Variants in AP4E1 observed in about 807,000 individuals in gnomAD.
The protein encoded by AP4E1 is adaptor related protein complex 4 subunit epsilon 1.
In AP4E1, 56 loss-of-function variants were observed where a neutral mutation model predicts 128.2. That is an observed-to-expected ratio of 0.44 (90% CI 0.35 to 0.55). The LOEUF is 0.55. AP4E1 is among the 20% of genes least tolerant of loss of function. The pLI is 0.00. For missense variants in AP4E1, 1,324 were observed against 1,307.7 expected (o/e 1.01, Z -0.19); for synonymous variants, 484 against 473.1 (o/e 1.02, Z -0.30).
At chr15:50,966,847 A>G (rs1384512223) in intron 14 of AP4E1, among the ~76,000 whole-genome samples, 2 of 152,198 alleles carry the variant, frequency 1.3e-5, no homozygotes, top group Non-Finnish European at 2.9e-5. Flanking sequence ...TAAGAATCTT[A>G]TTTAAGTGAA....
chr15:50,990,371 A>G (rs996380509), intron 16 of AP4E1, among the ~76,000 whole-genome samples: 2 of 146,060 alleles, frequency 1.4e-5, no homozygotes, highest in Non-Finnish European at 3.0e-5. Flanking sequence ...TATTATTATT[A>G]TTATTTGAGA....
intron 11 of AP4E1, among the ~76,000 whole-genome samples, chr15:50,948,930 C>A (rs1015673984): frequency 6.6e-6 from 1 of 150,776 alleles, no homozygotes; most frequent in African/African-American, 2.4e-5. Flanking sequence ...TGAGATTGCA[C>A]CATTGCACTC....
intron 19 of AP4E1, among the ~76,000 whole-genome samples, chr15:50,999,819 A>G (rs2064934907): frequency 6.6e-6 from 1 of 151,568 alleles, no homozygotes; most frequent in Non-Finnish European, 1.5e-5. Flanking sequence ...GTCATTTGGC[A>G]GTAGGTATAT....
At chr15:50,965,615 C>T (rs187691811) in intron 14 of AP4E1, among the ~76,000 whole-genome samples, 3 of 152,272 alleles carry the variant, frequency 2.0e-5, no homozygotes, top group East Asian at 1.9e-4. Context: ...GGAAGGTTTT[C>T]GGAGCTTTTA....
At chr15:50,994,225 T>G (rs939455330) in intron 17 of AP4E1, among the ~76,000 whole-genome samples, 4 of 152,210 alleles carry the variant, frequency 2.6e-5, no homozygotes, top group African/African-American at 9.7e-5. Flanking sequence ...ATTTTTAAAC[T>G]TTTTATACTG....
chr15:50,995,705 A>T (rs1188368131), intron 17 of AP4E1, among the ~76,000 whole-genome samples: 3 of 151,538 alleles, frequency 2.0e-5, no homozygotes, highest in Non-Finnish European at 1.5e-5. Flanking sequence ...TTTTTAAGAC[A>T]TTTTTTTCTG....
intron 13 of AP4E1, among the ~76,000 whole-genome samples, chr15:50,957,577 T>A (rs1237496701): frequency 6.6e-6 from 1 of 152,084 alleles, no homozygotes; most frequent in African/African-American, 2.4e-5. Flanking sequence ...CACCCTTTTC[T>A]GCCTAGAATT....
chr15:50,942,480 A>G (rs1197189847), intron 10 of AP4E1, among the ~76,000 whole-genome samples: 1 of 151,816 alleles, frequency 6.6e-6, no homozygotes, highest in Non-Finnish European at 1.5e-5. Flanking sequence ...TTTTATATCT[A>G]TAAAATTAAT....
intron 11 of AP4E1, among the ~76,000 whole-genome samples, chr15:50,949,012 A>T (rs916041439): frequency 6.6e-6 from 1 of 151,856 alleles, no homozygotes; most frequent in African/African-American, 2.4e-5. Context: ...TATAAAAAAG[A>T]GTGAGTGAAT....
At position 51,005,463 on chromosome 15, in the gene AP4E1, G is replaced by A. The variant is rs2065007520; in HGVS notation, c.*2801G>A. ...GCTCAGGGTTTGAAAGTGGGCCTGA[G>A]TAAGGGTCCTGCTAGAGAAACTGCA... On this transcript the variant is annotated 3_prime_UTR_variant, in exon 21 of 21. Transcript: ENST00000261842. 6.5e-6 allele frequency: 1 copy of A among 152,724 alleles called. No individual in the cohort carries two copies. The highest frequency in any genetic ancestry group is 2.1e-4 in the South Asian group (1 of 4,830). 9.5% of individuals were successfully genotyped at this position (152,724 alleles called of 1,614,324 possible). A position where few individuals can be genotyped will look rare whatever the true frequency, so the allele number is the denominator to read the frequency against.
intron 15 of AP4E1, among the ~76,000 whole-genome samples, chr15:50,970,794 T>A (rs1351293763): frequency 6.6e-6 from 1 of 152,212 alleles, no homozygotes; most frequent in Non-Finnish European, 1.5e-5. Context: ...TTGTTGAGTC[T>A]TGTTTTTTGA....
At chr15:50,916,927 T>C (rs1417157299) in intron 3 of AP4E1, among the ~76,000 whole-genome samples, 2 of 152,170 alleles carry the variant, frequency 1.3e-5, no homozygotes, top group Non-Finnish European at 2.9e-5. Context: ...TTCAAATTAG[T>C]TTTTATTAGT....
intron 13 of AP4E1, among the ~76,000 whole-genome samples, chr15:50,952,509 C>CAA (rs1359239142): frequency 2.5e-5 from 2 of 79,446 alleles, no homozygotes; most frequent in Non-Finnish European, 2.6e-5. Context: ...GACTCCATCT[C>CAA]AAAAAAAAAA....
At chr15:51,000,503 C>CCT (rs1425415137) in intron 19 of AP4E1, among the ~76,000 whole-genome samples, 2 of 152,110 alleles carry the variant, frequency 1.3e-5, no homozygotes, top group African/African-American at 4.8e-5. Flanking sequence ...GTACTGTATG[C>CCT]CTGTGGTGCT....
intron 8 of AP4E1, among the ~76,000 whole-genome samples, chr15:50,937,305 T>A (rs991461317): frequency 2.0e-5 from 3 of 152,226 alleles, no homozygotes; most frequent in African/African-American, 7.2e-5. Context: ...GAAGAAGAAG[T>A]TATTTACTTT....
At chr15:50,931,942 A>G (rs1327933610) in intron 7 of AP4E1, among the ~76,000 whole-genome samples, 1 of 151,594 alleles carries the variant, frequency 6.6e-6, no homozygotes, top group African/African-American at 2.4e-5. Flanking sequence ...TCTCATGTGT[A>G]TCTTTCCAAC....
chr15:50,956,738 A>T (rs893511118), intron 13 of AP4E1, among the ~76,000 whole-genome samples: 4 of 152,126 alleles, frequency 2.6e-5, no homozygotes, highest in Admixed American at 6.6e-5. Flanking sequence ...CATGTGGGGG[A>T]TTATTACAAT....
rs1056301104 is a variant in AP4E1 at position 51,002,817 on chromosome 15, G to T, written c.*155G>T. 6.1e-6 allele frequency: 6 copies of T among 975,830 alleles called. No homozygotes were observed. The highest frequency in any genetic ancestry group is 4.9e-5 in the African/African-American group (3 of 61,730). 60.4% of individuals were successfully genotyped at this position (975,830 alleles called of 1,614,324 possible). A position where few individuals can be genotyped will look rare whatever the true frequency, so the allele number is the denominator to read the frequency against. On this transcript the variant is annotated 3_prime_UTR_variant, in exon 21 of 21. Transcript: ENST00000261842. ...TTCTTTGTGATTCCTGGTCAAGAAA[G>T]ATCCCCAAAACTGTATCCCTAACCT...
At chr15:50,965,560 T>C (rs2064380723) in intron 14 of AP4E1, among the ~76,000 whole-genome samples, 1 of 152,216 alleles carries the variant, frequency 6.6e-6, no homozygotes, top group Admixed American at 6.5e-5. Context: ...ATAAACTATA[T>C]TGCAGAGGAT....
Sources: gnomAD v4.1 joint callset for allele counts (sites outside exome capture counted in the v4.1 genomes callset) on GRCh38, gnomAD v4.1.1 for gene constraint, MANE v1.5 for transcripts, NCBI Gene and HGNC (gene_info 2026-07-23, HGNC 2026-07-21) for gene names.